Variants in ANKRD45 observed in about 807,000 individuals in gnomAD.
The protein encoded by ANKRD45 is ankyrin repeat domain 45.
A neutral mutation model predicts 28.1 loss-of-function variants in ANKRD45; 21 were observed. The ratio of observed to expected loss-of-function variants is 0.75; its 90% CI spans 0.53 to 1.08. The LOEUF (loss-of-function observed/expected upper bound fraction) is 1.08. Among genes scored for constraint, ANKRD45 ranks in the 50% least tolerant of loss-of-function variants. ANKRD45 has a pLI of 0.00. For synonymous variants in ANKRD45, 86 were observed against 103.9 expected (o/e 0.83, Z 1.05); for missense variants, 261 against 308.7 (o/e 0.85, Z 1.16).
chr1:173,614,908 C>T (rs1667392939), intron 5 of ANKRD45, among the ~76,000 whole-genome samples: 1 of 152,102 alleles, frequency 6.6e-6, no homozygotes, highest in South Asian at 2.1e-4. Context: ...CCTCCACCTC[C>T]CGGATTCGGG....
intron 3 of ANKRD45, among the ~76,000 whole-genome samples, chr1:173,645,102 T>C (rs1385418322): frequency 6.6e-6 from 1 of 152,208 alleles, no homozygotes; most frequent in African/African-American, 2.4e-5. Flanking sequence ...CTTACAGATC[T>C]AATCATAAAA....
intron 3 of ANKRD45, chr1:173,635,546 A>AT: frequency 2.0e-6 from 3 of 1,530,982 alleles, no homozygotes; most frequent in South Asian, 1.2e-5. Context: ...ACTACCGCTG[A>AT]TTTTTTCTCT....
At chr1:173,713,158 G>A in the ANKRD45 span, among the ~76,000 whole-genome samples, 3 of 152,318 alleles carry the variant, frequency 2.0e-5, no homozygotes, top group South Asian at 6.2e-4. Context: ...TACACATGCA[G>A]TAAAAATTTT....
chr1:173,668,487 A>AC (rs999608513), intron 1 of ANKRD45, among the ~76,000 whole-genome samples: 1 of 151,822 alleles, frequency 6.6e-6, no homozygotes, highest in Non-Finnish European at 1.5e-5. Flanking sequence ...CAGGAACATC[A>AC]CCCCCCAGAG....
intron 5 of ANKRD45, among the ~76,000 whole-genome samples, chr1:173,610,544 G>A (rs1166439167): frequency 6.6e-6 from 1 of 152,126 alleles, no homozygotes; most frequent in Non-Finnish European, 1.5e-5. Context: ...GTTCCATCAA[G>A]ATCTAACATT....
the ANKRD45 span, among the ~76,000 whole-genome samples, chr1:173,714,678 T>C: frequency 2.0e-5 from 3 of 152,348 alleles, no homozygotes; most frequent in Admixed American, 6.5e-5. Context: ...TTTCTGTGAC[T>C]ACCCTTTACT....
At chr1:173,700,646 C>T in the ANKRD45 span, among the ~76,000 whole-genome samples, 4 of 152,178 alleles carry the variant, frequency 2.6e-5, no homozygotes, top group Non-Finnish European at 5.9e-5. Context: ...TGGATCCCTT[C>T]CTTACACCTT....
intron 2 of ANKRD45, among the ~76,000 whole-genome samples, chr1:173,656,138 G>A (rs985821922): frequency 5.9e-5 from 9 of 152,164 alleles, no homozygotes; most frequent in African/African-American, 2.2e-4. Context: ...CCAATGAGAT[G>A]AACCAGGTAC....
the ANKRD45 span, among the ~76,000 whole-genome samples, chr1:173,699,130 T>G: frequency 2.6e-5 from 4 of 152,196 alleles, no homozygotes; most frequent in East Asian, 7.7e-4. Flanking sequence ...AGGAGGAAGT[T>G]GAATCACTGA....
chr1:173,634,773 C>T (rs10912656), intron 3 of ANKRD45, among the ~76,000 whole-genome samples: 23,086 of 150,972 alleles, frequency 0.15, 2,447 homozygotes, highest in East Asian at 0.36. Context: ...TTGCTTTTAC[C>T]TCTAGATTGT....
chr1:173,646,035 G>A (rs116159622), intron 3 of ANKRD45, among the ~76,000 whole-genome samples: 2,806 of 152,248 alleles, frequency 0.018, 39 homozygotes, highest in Middle Eastern at 0.068. Flanking sequence ...TGCTCACAAT[G>A]GGAATTCAAT....
intron 5 of ANKRD45, among the ~76,000 whole-genome samples, chr1:173,617,805 C>T (rs1382948563): frequency 6.6e-6 from 1 of 152,222 alleles, no homozygotes; most frequent in African/African-American, 2.4e-5. Flanking sequence ...AAGCAGGTCC[C>T]TTATCCCATC....
At chr1:173,638,635 T>C (rs1003954742) in intron 3 of ANKRD45, among the ~76,000 whole-genome samples, 1 of 152,094 alleles carries the variant, frequency 6.6e-6, no homozygotes, top group Non-Finnish European at 1.5e-5. Flanking sequence ...ACAGCAATAT[T>C]AGTTGAAGAA....
chr1:173,674,186 G>A (rs1166552789), upstream of ANKRD45, among the ~76,000 whole-genome samples: 5 of 151,460 alleles, frequency 3.3e-5, no homozygotes, highest in Admixed American at 2.0e-4. Context: ...ATTTTTTTTT[G>A]TATTTTTTGT....
chr1:173,609,398 C>T lies in ANKRD45; in HGVS notation c.*747G>A, dbSNP rs752095835. ...GTCACAACGTAAGAGAAGGTTGAGG[C>T]GCCTGATTAAATAAATTAGAAAAAA... On this transcript the variant is annotated 3_prime_UTR_variant, in exon 6 of 6. Coordinates refer to ENST00000333279, the MANE Select transcript of ANKRD45 (RefSeq NM_198493.3). 2.6e-5 allele frequency among the ~76,000 whole-genome samples: 4 copies of T among 152,082 alleles called. No homozygotes were observed. Among genetic ancestry groups the T allele is most frequent in the African/African-American group, 4.8e-5 (2 of 41,408 alleles).
Position 173,659,308 on chromosome 1 carries a change from G to A in ANKRD45, c.111C>T (p.Asn37=). Residue 37 remains asparagine (N), a synonymous_variant, in exon 2 of 6, where the codon AAC becomes AAT. Transcript: ENST00000333279. ...AQEPEETGPK[N]PLLQPALTGD... Reference sequence around the variant, plus strand: ...CTGTGAGAGCAGGTTGTAAAAGGGGGTTCTTAGGGCCTGTTTCCTCTGGTT... The same window carrying A: ...CTGTGAGAGCAGGTTGTAAAAGGGGATTCTTAGGGCCTGTTTCCTCTGGTT... The A allele has an allele frequency of 6.2e-7, 1 of 1,613,686 alleles. No homozygotes were observed. Among genetic ancestry groups the A allele is most frequent in the South Asian group, 1.1e-5 (1 of 91,028 alleles).
At chr1:173,619,031 C>T (rs1380657499) in intron 5 of ANKRD45, among the ~76,000 whole-genome samples, 1 of 152,160 alleles carries the variant, frequency 6.6e-6, no homozygotes, top group Non-Finnish European at 1.5e-5. Flanking sequence ...CATATCCAGC[C>T]AAACTAAGCT....
the ANKRD45 span, among the ~76,000 whole-genome samples, chr1:173,712,408 A>G: frequency 1.3e-5 from 2 of 152,218 alleles, no homozygotes; most frequent in African/African-American, 4.8e-5. Flanking sequence ...CTTACATAAC[A>G]TCTTGGTGCC....
chr1:173,647,937 G>A, intron 2 of ANKRD45, among the ~76,000 whole-genome samples: 1 of 151,866 alleles, frequency 6.6e-6, no homozygotes, highest in Non-Finnish European at 1.5e-5. Flanking sequence ...GCTCATGCCA[G>A]CATGCCCAGA....
Sources: allele counts gnomAD v4.1 joint callset (sites outside exome capture counted in the v4.1 genomes callset), GRCh38; gene constraint gnomAD v4.1.1; transcripts MANE v1.5; gene names NCBI Gene and HGNC (gene_info 2026-07-23, HGNC 2026-07-21).